MAGEC3: variants seen among roughly 807,000 people sequenced by gnomAD.
MAGEC3 encodes MAGE family member C3.
Under a neutral mutation model 35.3 loss-of-function variants are expected in MAGEC3, and 34 were observed. The observed-to-expected ratio is 0.96, with a 90% confidence interval of 0.73 to 1.28. MAGEC3 has a LOEUF of 1.28. Among genes scored for constraint, MAGEC3 ranks in the 50% most tolerant of loss-of-function variants. The pLI, the probability that MAGEC3 is intolerant of heterozygous loss-of-function variation, is 0.00. For synonymous variants in MAGEC3, 202 were observed against 185.6 expected, an observed-to-expected ratio of 1.09 and a Z score of -0.72; for missense variants, 561 against 483.6, an observed-to-expected ratio of 1.16 and a Z score of -1.50.
In MAGEC3 at chrX:141,897,294, C is replaced by G. The variant is rs1377811680; in HGVS notation, c.1536C>G (p.Ala512=). Residue 512 remains alanine, a synonymous_variant, in exon 7 of 8, where the codon GCC becomes GCG. Coordinates refer to ENST00000298296, the MANE Select transcript of MAGEC3 (RefSeq NM_138702.1). ...HEFIELIFGI[A]LTDMDPDNHS... ...TCATAGAGCTAATTTTTGGCATTGC[C>G]CTGACTGATATGGACCCCGACAACC... 1.7e-6 allele frequency: 2 copies of G among 1,209,997 alleles called. No individual in the cohort carries two copies. Among genetic ancestry groups the G allele is most frequent in the African/African-American group, 3.5e-5 (2 of 57,214 alleles).
At chrX:141,893,672 GTGTC>G (rs1490820167) in intron 4 of MAGEC3, among the ~76,000 whole-genome samples, 1 of 100,840 alleles carries the variant, frequency 9.9e-6, no homozygotes, top group African/African-American at 3.7e-5. Context: ...GTGTGTGTGT[GTGTC>G]TGTGTGCGTG....
intron 1 of MAGEC3, among the ~76,000 whole-genome samples, chrX:141,859,257 T>C (rs2017800644): frequency 9.0e-6 from 1 of 111,225 alleles, no homozygotes. Context: ...TCTATTCTAT[T>C]TGAAAGTTTC....
At position 141,881,242 on chromosome X, in the gene MAGEC3, T is replaced by G. The variant is rs750699037; in HGVS notation, c.516-161T>G. On this transcript the variant is annotated intron_variant, in intron 3 of 7. Transcript: ENST00000298296. ...TGGTGCTCATGAGGAGGAGGAGGAGTAGCTGTCTGCTGGGATGCTGCCTCT... is the reference window on the plus strand; with the variant it reads ...TGGTGCTCATGAGGAGGAGGAGGAGGAGCTGTCTGCTGGGATGCTGCCTCT... Among the ~76,000 whole-genome samples, 4 of 109,934 alleles carry G rather than the reference T, an allele frequency of 3.6e-5. No individual in the cohort carries two copies. In the South Asian group the frequency reaches 1.2e-3, roughly 33 times the overall value.
At chrX:141,846,221 T>A (rs908520525) in intron 1 of MAGEC3, among the ~76,000 whole-genome samples, 5 of 108,590 alleles carry the variant, frequency 4.6e-5, no homozygotes, top group African/African-American at 1.0e-4. Context: ...TTTTTTTTTT[T>A]AAATAAATGT....
intron 1 of MAGEC3, among the ~76,000 whole-genome samples, chrX:141,844,709 C>T (rs866908510): frequency 9.1e-6 from 1 of 110,368 alleles, no homozygotes; most frequent in Non-Finnish European, 1.9e-5. Flanking sequence ...GGCAGTATTC[C>T]AGATAATTTC....
At chrX:141,863,515 C>T (rs774935219) in intron 1 of MAGEC3, among the ~76,000 whole-genome samples, 1 of 111,753 alleles carries the variant, frequency 8.9e-6, no homozygotes, top group South Asian at 3.7e-4. Context: ...AATTGCAGTA[C>T]GTGTACCACA....
At chrX:141,849,264 A>G (rs1421552076) in intron 1 of MAGEC3, among the ~76,000 whole-genome samples, 6 of 111,257 alleles carry the variant, frequency 5.4e-5, no homozygotes, top group Non-Finnish European at 7.6e-5. Flanking sequence ...CATTCATTAA[A>G]TATATAGAAA....
intron 2 of MAGEC3, among the ~76,000 whole-genome samples, chrX:141,872,068 G>A (rs2017891826): frequency 9.1e-6 from 1 of 109,788 alleles, no homozygotes; most frequent in Admixed American, 9.7e-5. Context: ...TTTTATGAGG[G>A]GTGAAAGCTT....
At position 141,895,739 on chromosome X, in the gene MAGEC3, G is replaced by A. The variant is rs774096009; in HGVS notation, c.1123+180G>A. 4.7e-3 allele frequency among the ~76,000 whole-genome samples: 502 copies of A among 105,927 alleles called. 4 individuals are homozygous for A. The highest frequency in any genetic ancestry group is 0.016 in the African/African-American group (465 of 28,559). 92.0% of individuals were successfully genotyped at this position (105,927 alleles called of 115,157 possible). ...TTGCTGGGGGAGGGGTGGAGGGGAG[G>A]GGGAGGGGTGGAGGGGAAGGGGAGG... On this transcript the variant is annotated intron_variant, in intron 6 of 7. Transcript: ENST00000298296.
intron 3 of MAGEC3, chrX:141,880,764 A>G: frequency 1.1e-6 from 1 of 937,277 alleles, no homozygotes; most frequent in Non-Finnish European, 1.5e-6. Flanking sequence ...ACAGGTTCCC[A>G]GGGGACAAAC....
intron 1 of MAGEC3, among the ~76,000 whole-genome samples, chrX:141,859,296 G>A (rs2017800983): frequency 9.0e-6 from 1 of 111,079 alleles, no homozygotes; most frequent in Admixed American, 9.6e-5. Context: ...ACCAAGCGCT[G>A]TCATTACTGA....
chrX:141,848,255 A>G (rs1603053184), intron 1 of MAGEC3, among the ~76,000 whole-genome samples: 1 of 109,566 alleles, frequency 9.1e-6, no homozygotes, highest in Admixed American at 9.8e-5. Flanking sequence ...TATTCAACAT[A>G]TTACCGAAAG....
At position 141,881,795 on chromosome X, in the gene MAGEC3, G is replaced by T. The variant is rs2017968064; in HGVS notation, c.908G>T (p.Gly303Val). 3.3e-6 allele frequency: 4 copies of T among 1,211,452 alleles called. No homozygotes were observed. Among genetic ancestry groups the T allele is most frequent in the Non-Finnish European group, 4.5e-6 (4 of 895,371 alleles). ...EVIWEVLNAIGPWSALAGFAD... is the reference protein window; with the variant it reads ...EVIWEVLNAIVPWSALAGFAD... ...ATCTGGGAAGTGCTGAATGCAATAG[G>T]GGTGTGTGCTCAGAGGGAGCATTTC... is the stretch of plus-strand genomic sequence containing the variant. Residue 303 changes from glycine (G) to valine (V), a missense_variant and splice_region_variant, in exon 4 of 8, where the codon GGG (glycine) becomes GTG (valine). Transcript: ENST00000298296.
chrX:141,859,330 A>G (rs1383222252), intron 1 of MAGEC3, among the ~76,000 whole-genome samples: 1 of 111,550 alleles, frequency 9.0e-6, no homozygotes, highest in Non-Finnish European at 1.9e-5. Context: ...TGATGAGTGT[A>G]AAGTGATATC....
chrX:141,875,640 C>T (rs1207541460), intron 2 of MAGEC3, among the ~76,000 whole-genome samples: 1 of 112,083 alleles, frequency 8.9e-6, no homozygotes, highest in African/African-American at 3.2e-5. Context: ...GTCCCTCTCT[C>T]TTCTGGACAG....
chrX:141,894,809 G>A, intron 4 of MAGEC3: 1 of 960,262 alleles, frequency 1.0e-6, no homozygotes, highest in Non-Finnish European at 1.3e-6. Context: ...AGGTGAAAAC[G>A]GAGAGGTGGG....
intron 4 of MAGEC3, among the ~76,000 whole-genome samples, chrX:141,888,179 C>T (rs935582500): frequency 5.4e-5 from 6 of 112,074 alleles, no homozygotes; most frequent in African/African-American, 9.8e-5. Flanking sequence ...CTGATGGCCC[C>T]GTGGACAGTT....
At chrX:141,864,971 G>A (rs141594488) in intron 1 of MAGEC3, among the ~76,000 whole-genome samples, 1,495 of 111,599 alleles carry the variant, frequency 0.013, 28 homozygotes, top group African/African-American at 0.045. Context: ...TTGTTTTTCT[G>A]TAAAATCTAA....
chrX:141,854,853 T>A (rs1372275793), intron 1 of MAGEC3, among the ~76,000 whole-genome samples: 3 of 111,578 alleles, frequency 2.7e-5, no homozygotes, highest in Non-Finnish European at 5.7e-5. Context: ...AGTCACCATG[T>A]AAAAATATAC....
Sources: allele counts gnomAD v4.1 joint callset (sites outside exome capture counted in the v4.1 genomes callset), GRCh38; gene constraint gnomAD v4.1.1; transcripts MANE v1.5; gene names NCBI Gene and HGNC (gene_info 2026-07-23, HGNC 2026-07-21).